The following SYN2 variants were observed in gnomAD, a reference collection of about 807,000 sequenced individuals.
SYN2 encodes the protein synapsin II.
Under a neutral mutation model 50.9 loss-of-function variants are expected in SYN2, and 19 were observed. That is an observed-to-expected ratio of 0.37 (90% CI 0.26 to 0.55). The LOEUF is 0.55. SYN2 is among the 20% of genes least tolerant of loss of function. The pLI, the probability that SYN2 is intolerant of heterozygous loss-of-function variation, is 0.81. For synonymous variants in SYN2, 255 were observed against 224.9 expected (o/e 1.13, Z -1.20); for missense variants, 587 against 576.4 (o/e 1.02, Z -0.19).
chr3:12,129,938 GAAGA>G (rs1234152939), intron 1 of SYN2, among the ~76,000 whole-genome samples: 2 of 152,124 alleles, frequency 1.3e-5, no homozygotes, highest in Non-Finnish European at 2.9e-5. Context: ...GTCCTCATAA[GAAGA>G]GAGACCACGG....
At chr3:12,147,498 G>A (rs1194346256) in intron 4 of SYN2, among the ~76,000 whole-genome samples, 2 of 152,056 alleles carry the variant, frequency 1.3e-5, no homozygotes, top group South Asian at 2.1e-4. Context: ...TTAGTATGTT[G>A]CCAATCACAG....
chr3:12,041,407 G>A (rs1308313192), intron 1 of SYN2, among the ~76,000 whole-genome samples: 1 of 152,196 alleles, frequency 6.6e-6, no homozygotes. Context: ...GCTTGCCTCT[G>A]TGTCCTCCAA....
At chr3:12,087,622 C>T (rs1695732620) in intron 1 of SYN2, among the ~76,000 whole-genome samples, 1 of 151,804 alleles carries the variant, frequency 6.6e-6, no homozygotes, top group South Asian at 2.1e-4. Flanking sequence ...AGTGGTGGTA[C>T]ACACCTGTAG....
Position 12,004,688 on chromosome 3 carries a change from C to T in SYN2, c.137C>T (p.Ser46Leu), listed in dbSNP as rs1455892163. ...CCGCCCCCCGGTCCGGGCGCCGCCT[C>T]GGCCTCGGCGGCGCCCCCGACCGCC... The part of the protein sequence containing the change: ...PPPPPGPGAA[S>L]ASAAPPTASP... The change falls in exon 1 of 13, where the codon TCG becomes TTG. Residue 46 changes from serine to leucine, a missense_variant. By Grantham distance (145) the Ser-to-Leu change is moderately radical. Coordinates refer to ENST00000621198, the MANE Select transcript of SYN2 (RefSeq NM_133625.6). The T allele has an allele frequency of 1.1e-5, 2 of 182,140 alleles. No homozygotes were observed. Among genetic ancestry groups the T allele is most frequent in the African/African-American group, 2.4e-5 (1 of 41,326 alleles). The allele number at this position is 182,140 out of a possible 1,614,324, so 11.3% of individuals were successfully genotyped here. A position where few individuals can be genotyped will look rare whatever the true frequency, so the allele number is the denominator to read the frequency against.
Position 12,022,718 on chromosome 3 carries a change from A to AT in SYN2, c.377+17800dup, listed in dbSNP as rs562817065. ...CCACTGTGCCTGGCCTATTCTTTAA[A>AT]TTTTTTTTTTGTAGAGACAGAGTCT... is the stretch of plus-strand genomic sequence containing the variant. On this transcript the variant is annotated intron_variant, in intron 1 of 12. Coordinates refer to ENST00000621198, the MANE Select transcript of SYN2 (RefSeq NM_133625.6). Among the ~76,000 whole-genome samples the AT allele has an allele frequency of 4.9e-3, 716 of 144,764 alleles. 4 individuals are homozygous for AT. Among genetic ancestry groups the AT allele is most frequent in the South Asian group, 0.027 (122 of 4,542 alleles). The allele number at this position is 144,764 out of a possible 152,430, so 95.0% of individuals were successfully genotyped here. A position where few individuals can be genotyped will look rare whatever the true frequency, so the allele number is the denominator to read the frequency against.
At chr3:12,055,223 A>T (rs1176915331) in intron 1 of SYN2, among the ~76,000 whole-genome samples, 1 of 152,178 alleles carries the variant, frequency 6.6e-6, no homozygotes, top group Non-Finnish European at 1.5e-5. Context: ...ATATAAAAAG[A>T]TGAAAATCTT....
At chr3:12,089,647 A>AT (rs1195510024) in intron 1 of SYN2, among the ~76,000 whole-genome samples, 1 of 152,126 alleles carries the variant, frequency 6.6e-6, no homozygotes, top group Admixed American at 6.6e-5. Flanking sequence ...TTATATTTAA[A>AT]TTTTTTCTTT....
intron 7 of SYN2, among the ~76,000 whole-genome samples, chr3:12,164,818 A>G (rs966692835): frequency 2.6e-5 from 4 of 152,154 alleles, no homozygotes; most frequent in African/African-American, 9.7e-5. Context: ...AAATGTAAGG[A>G]TGATGTTATT....
intron 1 of SYN2, among the ~76,000 whole-genome samples, chr3:12,013,883 C>T (rs1273696612): frequency 6.6e-6 from 1 of 152,224 alleles, no homozygotes; most frequent in Non-Finnish European, 1.5e-5. Context: ...CAATACTGAA[C>T]TGTTTGCACT....
Position 12,066,848 on chromosome 3 carries a change from G to C in SYN2, c.377+61920G>C, listed in dbSNP as rs979937211. Among the ~76,000 whole-genome samples, 17 of 152,160 alleles carry C rather than the reference G, an allele frequency of 1.1e-4. No individual in the cohort carries two copies. The East Asian group carries it at 1.7e-3, about 16-fold the overall frequency. On this transcript the variant is annotated intron_variant, in intron 1 of 12. Coordinates refer to ENST00000621198, the MANE Select transcript of SYN2 (RefSeq NM_133625.6). Reference sequence around the variant, plus strand: ...TGCACAATTTCACATGGCTGGGGGGGGCCTCAGGAAGCTTACAATGATGGC... The same window carrying C: ...TGCACAATTTCACATGGCTGGGGGGCGCCTCAGGAAGCTTACAATGATGGC...
At chr3:12,147,999 A>G (rs1697191011) in intron 4 of SYN2, among the ~76,000 whole-genome samples, 2 of 152,132 alleles carry the variant, frequency 1.3e-5, no homozygotes, top group Admixed American at 1.3e-4. Context: ...CTGTAGTCCC[A>G]GCAACTTAGG....
chr3:12,044,136 A>C (rs1230045621), intron 1 of SYN2, among the ~76,000 whole-genome samples: 2 of 148,906 alleles, frequency 1.3e-5, no homozygotes, highest in African/African-American at 5.0e-5. Context: ...TCCAGGTTCT[A>C]GTGTCAACCT....
chr3:12,107,722 AG>A (rs1696225809), intron 1 of SYN2, among the ~76,000 whole-genome samples: 1 of 151,342 alleles, frequency 6.6e-6, no homozygotes, highest in Admixed American at 6.6e-5. Flanking sequence ...TGGGCAACAT[AG>A]TGAGATCCCA....
At chr3:12,080,734 AT>A (rs1695569626) in intron 1 of SYN2, among the ~76,000 whole-genome samples, 1 of 152,164 alleles carries the variant, frequency 6.6e-6, no homozygotes, top group Admixed American at 6.5e-5. Context: ...TATGTGATCA[AT>A]TTTAGAGTAA....
chr3:12,050,636 G>C (rs1201013602), intron 1 of SYN2, among the ~76,000 whole-genome samples: 1 of 146,456 alleles, frequency 6.8e-6, no homozygotes, highest in Non-Finnish European at 1.5e-5. Context: ...GAGCCACTTT[G>C]CCTAGCCTGG....
chr3:12,176,804 G>A (rs1055137565), intron 10 of SYN2, among the ~76,000 whole-genome samples: 3 of 152,294 alleles, frequency 2.0e-5, no homozygotes, highest in South Asian at 2.1e-4. Context: ...CTCTGATGCC[G>A]CCATGGAGTA....
chr3:12,033,371 A>G (rs565933716), intron 1 of SYN2, among the ~76,000 whole-genome samples: 109 of 152,296 alleles, frequency 7.2e-4, no homozygotes, highest in Middle Eastern at 6.8e-3. Context: ...TCGGCTGGTT[A>G]TAAGTAATTC....
intron 1 of SYN2, among the ~76,000 whole-genome samples, chr3:12,100,535 T>A (rs1378613659): frequency 6.6e-6 from 1 of 152,156 alleles, no homozygotes; most frequent in Admixed American, 6.5e-5. Flanking sequence ...CTGAAGAACA[T>A]ATTAAATCTT....
chr3:12,039,470 G>A (rs755244278), intron 1 of SYN2, among the ~76,000 whole-genome samples: 1 of 151,522 alleles, frequency 6.6e-6, no homozygotes, highest in East Asian at 2.0e-4. Flanking sequence ...CTTTGTGCTA[G>A]GTAGAGGTCA....
Sources: gnomAD v4.1 joint callset for allele counts (sites outside exome capture counted in the v4.1 genomes callset) on GRCh38, gnomAD v4.1.1 for gene constraint, MANE v1.5 for transcripts, NCBI Gene and HGNC (gene_info 2026-07-23, HGNC 2026-07-21) for gene names.